The following PIK3C2G variants were observed in gnomAD, a reference collection of about 807,000 sequenced individuals.
PIK3C2G encodes the protein phosphatidylinositol 3-kinase C2 domain-containing subunit gamma.
A neutral mutation model predicts 181.1 loss-of-function variants in PIK3C2G; 168 were observed. The observed-to-expected ratio is 0.93, with a 90% CI of 0.82 to 1.05. The LOEUF (loss-of-function observed/expected upper bound fraction) is 1.05. Among genes scored for constraint, PIK3C2G ranks in the 50% least tolerant of loss-of-function variants. The pLI, the probability that PIK3C2G is intolerant of heterozygous loss-of-function variation, is 0.00. For synonymous variants in PIK3C2G, 573 were observed against 592.2 expected, an observed-to-expected ratio of 0.97 and a Z score of 0.47; for missense variants, 1,869 against 1,732.8, an observed-to-expected ratio of 1.08 and a Z score of -1.40.
At chr12:18,425,762 G>A (rs1324187866) in intron 18 of PIK3C2G, among the ~76,000 whole-genome samples, 3 of 152,020 alleles carry the variant, frequency 2.0e-5, no homozygotes, top group African/African-American at 7.2e-5. Context: ...TTTGAATAAG[G>A]ATTTAAAGTG....
At chr12:18,619,781 G>A (rs929611758) in intron 31 of PIK3C2G, among the ~76,000 whole-genome samples, 9 of 148,856 alleles carry the variant, frequency 6.0e-5, no homozygotes, top group Admixed American at 6.7e-5. Context: ...TCACTCCATA[G>A]TGGCGCGATC....
chr12:18,406,991 TTCTA>T (rs1944574399), intron 16 of PIK3C2G, among the ~76,000 whole-genome samples: 1 of 152,156 alleles, frequency 6.6e-6, no homozygotes, highest in South Asian at 2.1e-4. Context: ...ACTTATCTGG[TTCTA>T]CCAGTTATTC....
chr12:18,501,227 C>A (rs1355016499), intron 22 of PIK3C2G, among the ~76,000 whole-genome samples: 4 of 152,168 alleles, frequency 2.6e-5, no homozygotes, highest in Non-Finnish European at 5.9e-5. Flanking sequence ...GCTCACAGTT[C>A]CACATGGCTG....
intron 16 of PIK3C2G, among the ~76,000 whole-genome samples, chr12:18,411,684 T>G (rs1480588784): frequency 1.3e-5 from 2 of 152,190 alleles, no homozygotes; most frequent in African/African-American, 2.4e-5. Context: ...AACCTGACAT[T>G]GGGGCTTTTA....
chr12:18,620,044 T>C (rs1169852170), intron 31 of PIK3C2G, among the ~76,000 whole-genome samples: 1 of 152,118 alleles, frequency 6.6e-6, no homozygotes, highest in Admixed American at 6.6e-5. Flanking sequence ...TTAAAATATA[T>C]TGAAACTTGT....
At chr12:18,579,953 T>A (rs1344534966) in intron 29 of PIK3C2G, among the ~76,000 whole-genome samples, 1 of 151,964 alleles carries the variant, frequency 6.6e-6, no homozygotes, top group Non-Finnish European at 1.5e-5. Context: ...GCCAACATGG[T>A]GAAACCCTGT....
At chr12:18,489,778 T>G (rs1254561430) in intron 19 of PIK3C2G, among the ~76,000 whole-genome samples, 2 of 152,184 alleles carry the variant, frequency 1.3e-5, no homozygotes, top group Admixed American at 6.5e-5. Context: ...GAAGTTTGTG[T>G]GACGGTTTGG....
At position 18,560,106 on chromosome 12, in the gene PIK3C2G, C is replaced by A. The variant is rs1162305879; in HGVS notation, c.3591-2597C>A. On this transcript the variant is annotated intron_variant, in intron 26 of 32. Transcript: ENST00000538779. ...TCTGCCTCCCAAAGTGCTGGGATTACAGGCATGAGCCACCGCACCTGGCCA... is the reference window on the plus strand; with the variant it reads ...TCTGCCTCCCAAAGTGCTGGGATTAAAGGCATGAGCCACCGCACCTGGCCA... 2.0e-5 allele frequency among the ~76,000 whole-genome samples: 3 copies of A among 151,798 alleles called. No homozygotes were observed. The East Asian group carries it at 5.9e-4, about 30-fold the overall frequency.
intron 8 of PIK3C2G, among the ~76,000 whole-genome samples, chr12:18,329,681 A>G (rs1937716054): frequency 6.6e-6 from 1 of 152,016 alleles, no homozygotes; most frequent in Non-Finnish European, 1.5e-5. Context: ...TTGTTGGTGT[A>G]TATTTGAAAT....
upstream of PIK3C2G, among the ~76,000 whole-genome samples, chr12:18,261,252 A>G (rs1948224118): frequency 6.6e-6 from 1 of 152,118 alleles, no homozygotes; most frequent in Non-Finnish European, 1.5e-5. Context: ...TTTTTAAAAA[A>G]TATATTTTCG....
At chr12:18,544,051 C>T (rs192239303) in intron 25 of PIK3C2G, among the ~76,000 whole-genome samples, 41 of 151,898 alleles carry the variant, frequency 2.7e-4, no homozygotes, top group African/African-American at 9.4e-4. Context: ...CATTAAATCT[C>T]ATGAAGAGGA....
chr12:18,650,474 C>G (rs1266175098), downstream of PIK3C2G, among the ~76,000 whole-genome samples: 2 of 148,828 alleles, frequency 1.3e-5, no homozygotes, highest in African/African-American at 4.9e-5. Flanking sequence ...AATGTAAACA[C>G]TTGCTAATTA....
intron 22 of PIK3C2G, among the ~76,000 whole-genome samples, chr12:18,498,391 C>A (rs1186007018): frequency 6.6e-6 from 1 of 152,086 alleles, no homozygotes; most frequent in Non-Finnish European, 1.5e-5. Flanking sequence ...CACTTAATTA[C>A]AATAATGCCA....
chr12:18,649,360 A>G (rs959656493), downstream of PIK3C2G, among the ~76,000 whole-genome samples: 4 of 152,008 alleles, frequency 2.6e-5, no homozygotes, highest in African/African-American at 7.2e-5. Flanking sequence ...CAGTCTCCCA[A>G]TTTGTACATT....
At chr12:18,347,015 T>A (rs558128424) in intron 11 of PIK3C2G, among the ~76,000 whole-genome samples, 179 bp downstream of exon 11, 1 of 152,252 alleles carries the variant, frequency 6.6e-6, no homozygotes, top group Non-Finnish European at 1.5e-5. Flanking sequence ...AAAATGGATA[T>A]TTAATTTTCT....
At chr12:18,650,664 A>ATG (rs1159499235), downstream of PIK3C2G, among the ~76,000 whole-genome samples, 2,889 of 35,372 alleles carry the variant, frequency 0.082, 92 homozygotes, top group Non-Finnish European at 0.13. Flanking sequence ...TGGAATATAA[A>ATG]TGTGTGTGTG....
At chr12:18,702,509 G>T in the PIK3C2G span, among the ~76,000 whole-genome samples, 1 of 152,038 alleles carries the variant, frequency 6.6e-6, no homozygotes, top group East Asian at 1.9e-4. Context: ...TTTTCTCCAG[G>T]GAGCTTTGAT....
chr12:18,681,539 T>A, the PIK3C2G span, among the ~76,000 whole-genome samples: 1 of 152,084 alleles, frequency 6.6e-6, no homozygotes, highest in Non-Finnish European at 1.5e-5. Context: ...TTAATAGTTC[T>A]TGTGAGAAAA....
chr12:18,405,436 T>C lies in PIK3C2G; in HGVS notation c.2315+5589T>C, dbSNP rs185526346. On this transcript the variant is annotated intron_variant, in intron 16 of 32. Transcript: ENST00000538779. Reference sequence around the variant, plus strand: ...GTTGTTGTTGTTGTTGTTGTTGTTGTTGAGATGGAGTCTTGCTCTGTCTCC... The same window carrying C: ...GTTGTTGTTGTTGTTGTTGTTGTTGCTGAGATGGAGTCTTGCTCTGTCTCC... Among the ~76,000 whole-genome samples the C allele has an allele frequency of 6.9e-3, 1,041 of 151,530 alleles. 6 individuals carry two copies. The highest frequency in any genetic ancestry group is 0.018 in the African/African-American group (758 of 41,074).
Sources: allele counts gnomAD v4.1 joint callset (sites outside exome capture counted in the v4.1 genomes callset), GRCh38; gene constraint gnomAD v4.1.1; transcripts MANE v1.5; gene names NCBI Gene and HGNC (gene_info 2026-07-23, HGNC 2026-07-21).